PTPRD: variants seen among roughly 807,000 people sequenced by gnomAD.
The protein encoded by PTPRD is protein tyrosine phosphatase receptor type D, also known as receptor-type tyrosine-protein phosphatase delta.
In PTPRD, 34 loss-of-function variants were observed where a neutral mutation model predicts 214.5. The ratio of observed to expected loss-of-function variants is 0.16; its 90% CI spans 0.12 to 0.21. The LOEUF (loss-of-function observed/expected upper bound fraction) is 0.21. Among genes scored for constraint, PTPRD ranks in the 10% least tolerant of loss-of-function variants. The pLI is 1.00. For missense variants in PTPRD, 2,545 were observed against 2,398.7 expected, an observed-to-expected ratio of 1.06 and a Z score of -1.27; for synonymous variants, 1,128 against 845.7, an observed-to-expected ratio of 1.33 and a Z score of -5.79.
intron 5 of PTPRD, among the ~76,000 whole-genome samples, chr9:9,848,014 C>T (rs1363616277): frequency 6.6e-6 from 1 of 152,090 alleles, no homozygotes; most frequent in East Asian, 1.9e-4. Context: ...TCACAAGCAG[C>T]ATTGAAGACT....
chr9:9,772,914 T>C (rs189401894), intron 5 of PTPRD, among the ~76,000 whole-genome samples: 1 of 152,308 alleles, frequency 6.6e-6, no homozygotes, highest in Non-Finnish European at 1.5e-5. Flanking sequence ...CAAACATTGA[T>C]GTATTCTGAT....
intron 5 of PTPRD, among the ~76,000 whole-genome samples, chr9:9,916,813 T>A (rs954936005): frequency 2.0e-5 from 3 of 151,974 alleles, no homozygotes; most frequent in Non-Finnish European, 1.5e-5. Context: ...TTCTCCAGGA[T>A]TGACATGTTA....
intron 12 of PTPRD, among the ~76,000 whole-genome samples, chr9:8,642,081 C>G (rs537314569): frequency 6.6e-6 from 1 of 152,080 alleles, no homozygotes; most frequent in Non-Finnish European, 1.5e-5. Context: ...CCAGTAACAT[C>G]CACAGATGAA....
At chr9:10,593,446 G>A (rs561375745) in intron 2 of PTPRD, among the ~76,000 whole-genome samples, 1 of 152,138 alleles carries the variant, frequency 6.6e-6, no homozygotes, top group African/African-American at 2.4e-5. Flanking sequence ...TGGGAACTCA[G>A]TCATAAATAT....
At chr9:9,087,444 G>C (rs906903555) in intron 10 of PTPRD, among the ~76,000 whole-genome samples, 1 of 152,170 alleles carries the variant, frequency 6.6e-6, no homozygotes, top group African/African-American at 2.4e-5. Context: ...GGCAGCCACT[G>C]TACTCCTGCA....
At chr9:10,220,080 T>C (rs1413126669) in intron 3 of PTPRD, among the ~76,000 whole-genome samples, 1 of 151,852 alleles carries the variant, frequency 6.6e-6, no homozygotes, top group Non-Finnish European at 1.5e-5. Context: ...TTTATACCTA[T>C]TAACGTGTTT....
intron 7 of PTPRD, among the ~76,000 whole-genome samples, chr9:9,701,978 G>A (rs1285160953): frequency 6.6e-6 from 1 of 152,018 alleles, no homozygotes; most frequent in Non-Finnish European, 1.5e-5. Flanking sequence ...AATTAGCCAG[G>A]CATGGTGGTG....
At chr9:9,809,165 G>A (rs1393123874) in intron 5 of PTPRD, among the ~76,000 whole-genome samples, 1 of 150,832 alleles carries the variant, frequency 6.6e-6, no homozygotes, top group African/African-American at 2.4e-5. Context: ...CAATGTGCAT[G>A]TTAATAGGTT....
At chr9:9,725,184 C>A (rs1011141041) in intron 7 of PTPRD, among the ~76,000 whole-genome samples, 1 of 152,086 alleles carries the variant, frequency 6.6e-6, no homozygotes. Context: ...AAAATTCCCT[C>A]GTGTTCTGGG....
At chr9:8,949,085 G>A (rs1186988393) in intron 11 of PTPRD, among the ~76,000 whole-genome samples, 1 of 151,712 alleles carries the variant, frequency 6.6e-6, no homozygotes, top group South Asian at 2.1e-4. Flanking sequence ...TTAGCTGGGT[G>A]TAGTGGCGGG....
chr9:10,131,822 A>G (rs919280738), intron 3 of PTPRD, among the ~76,000 whole-genome samples: 1 of 152,156 alleles, frequency 6.6e-6, no homozygotes, highest in Admixed American at 6.6e-5. Flanking sequence ...TTGATCATTG[A>G]CCTTACAATT....
intron 11 of PTPRD, among the ~76,000 whole-genome samples, chr9:8,809,945 C>T (rs556810444): frequency 3.0e-4 from 45 of 152,178 alleles, no homozygotes; most frequent in Admixed American, 9.2e-4. Context: ...CAATTTGACA[C>T]GCTCTTGCAG....
intron 5 of PTPRD, among the ~76,000 whole-genome samples, chr9:9,925,624 T>G (rs1266510121): frequency 6.6e-6 from 1 of 151,564 alleles, no homozygotes; most frequent in Admixed American, 6.6e-5. Context: ...TGACAAAATT[T>G]TTTAAAAAAA....
At chr9:9,646,031 T>C (rs947101228) in intron 7 of PTPRD, among the ~76,000 whole-genome samples, 3 of 152,220 alleles carry the variant, frequency 2.0e-5, no homozygotes, top group Admixed American at 1.3e-4. Flanking sequence ...CTGTTTTGTG[T>C]TGCTTTAGAA....
At chr9:9,955,526 G>GTTT (rs779657484) in intron 4 of PTPRD, among the ~76,000 whole-genome samples, 3 of 134,026 alleles carry the variant, frequency 2.2e-5, no homozygotes, top group African/African-American at 7.7e-5. Flanking sequence ...GTTTTGTTTT[G>GTTT]TTTTTTTTTT....
intron 8 of PTPRD, among the ~76,000 whole-genome samples, chr9:9,463,578 A>T (rs1038681251): frequency 2.6e-5 from 4 of 152,106 alleles, no homozygotes; most frequent in African/African-American, 9.7e-5. Context: ...AATTTCTAAG[A>T]CTGAAAAAAT....
intron 3 of PTPRD, among the ~76,000 whole-genome samples, chr9:10,171,899 T>C (rs1053125989): frequency 6.6e-6 from 1 of 152,152 alleles, no homozygotes; most frequent in African/African-American, 2.4e-5. Context: ...CCAGGAATAG[T>C]AGGCAGTAGA....
At chr9:8,899,932 T>C (rs2098653353) in intron 11 of PTPRD, among the ~76,000 whole-genome samples, 2 of 152,214 alleles carry the variant, frequency 1.3e-5, no homozygotes, top group Middle Eastern at 3.2e-3. Flanking sequence ...TTTGGAAACA[T>C]GAATCTTTGT....
chr9:9,969,620 C>A (rs1039355737), intron 4 of PTPRD, among the ~76,000 whole-genome samples: 4 of 152,148 alleles, frequency 2.6e-5, no homozygotes, highest in African/African-American at 7.2e-5. Context: ...GATCAAAGAA[C>A]AAGTTTACAT....
Sources: allele counts gnomAD v4.1 joint callset (sites outside exome capture counted in the v4.1 genomes callset), GRCh38; gene constraint gnomAD v4.1.1; transcripts MANE v1.5; gene names NCBI Gene and HGNC (gene_info 2026-07-23, HGNC 2026-07-21).